Variants in MAP4K5 observed in about 807,000 individuals in gnomAD.
MAP4K5 encodes mitogen-activated protein kinase kinase kinase kinase 5, also known as MAPK/ERK kinase kinase kinase 5.
MAP4K5 carries 82 observed loss-of-function variants against 135.6 expected under a neutral mutation model. The observed-to-expected ratio is 0.60, with a 90% CI of 0.51 to 0.73. The LOEUF is 0.73. MAP4K5 is among the 30% of genes least tolerant of loss of function. MAP4K5 has a pLI of 0.00. For synonymous variants in MAP4K5, 347 were observed against 335.0 expected (o/e 1.04, Z -0.39); for missense variants, 907 against 1,010.9 (o/e 0.90, Z 1.39).
intron 2 of MAP4K5, among the ~76,000 whole-genome samples, chr14:50,515,761 A>T (rs531958980): frequency 1.3e-5 from 2 of 152,124 alleles, no homozygotes; most frequent in African/African-American, 4.8e-5. Context: ...CTCTTTGTTA[A>T]CCCCTCTTCT....
At chr14:50,481,530 T>A (rs916955858) in intron 6 of MAP4K5, among the ~76,000 whole-genome samples, 8 of 152,090 alleles carry the variant, frequency 5.3e-5, no homozygotes, top group African/African-American at 1.7e-4. Context: ...GATAGAAGCA[T>A]TAATTAACAA....
chr14:50,463,545 G>A (rs1044367182), intron 12 of MAP4K5, among the ~76,000 whole-genome samples: 5 of 152,096 alleles, frequency 3.3e-5, no homozygotes, highest in African/African-American at 4.8e-5. Context: ...GGCAGAGGCT[G>A]TATGGCCCAC....
chr14:50,539,903 G>A (rs1024665320), intron 2 of MAP4K5, among the ~76,000 whole-genome samples: 1 of 152,212 alleles, frequency 6.6e-6, no homozygotes. Flanking sequence ...GAATCTCAAG[G>A]TTTAGGGAGA....
intron 2 of MAP4K5, among the ~76,000 whole-genome samples, chr14:50,509,114 G>A (rs945035530): frequency 2.0e-5 from 3 of 151,694 alleles, no homozygotes; most frequent in Non-Finnish European, 2.9e-5. Flanking sequence ...CCATCATTCT[G>A]AGCAAACTAT....
intron 13 of MAP4K5, among the ~76,000 whole-genome samples, chr14:50,457,868 A>C (rs933112427): frequency 6.6e-6 from 1 of 152,200 alleles, no homozygotes; most frequent in Non-Finnish European, 1.5e-5. Flanking sequence ...AATTTCAAGT[A>C]ATTTCTTGCA....
intron 2 of MAP4K5, among the ~76,000 whole-genome samples, chr14:50,514,921 T>C (rs937728687): frequency 3.1e-5 from 4 of 127,210 alleles, no homozygotes; most frequent in Non-Finnish European, 6.7e-5. Context: ...TTTTTTTTTT[T>C]GAGATGGAGT....
intron 5 of MAP4K5, among the ~76,000 whole-genome samples, chr14:50,483,838 A>G (rs2037305544): frequency 3.9e-5 from 1 of 25,938 alleles, no homozygotes; most frequent in Admixed American, 2.7e-4. Context: ...CAGCAATTCC[A>G]TTTATTTATT....
intron 2 of MAP4K5, among the ~76,000 whole-genome samples, chr14:50,526,670 C>T (rs1008147006): frequency 1.3e-5 from 2 of 152,186 alleles, no homozygotes; most frequent in Admixed American, 6.5e-5. Context: ...TCCCCATATC[C>T]TAACACATTG....
At position 50,469,670 on chromosome 14, in the gene MAP4K5, T is replaced by A. The variant is rs1386849923; in HGVS notation, c.543-888A>T. Among the ~76,000 whole-genome samples the A allele has an allele frequency of 2.6e-5, 4 of 152,104 alleles. No individual in the cohort carries two copies. The East Asian group carries it at 7.7e-4, about 29-fold the overall frequency. On this transcript the variant is annotated intron_variant, in intron 9 of 32. Transcript: ENST00000682126. ...TTAAGATATAGATCTGAGGAGGAAATGCTTGTGGATATTGAAATAGAGCTA... is the reference window on the plus strand; with the variant it reads ...TTAAGATATAGATCTGAGGAGGAAAAGCTTGTGGATATTGAAATAGAGCTA...
intron 20 of MAP4K5, 67 bp from the exon 21 acceptor site, chr14:50,442,883 C>T: frequency 2.2e-6 from 2 of 895,712 alleles, no homozygotes; most frequent in South Asian, 3.2e-5. Flanking sequence ...TGGAAAATAA[C>T]TAACATCATT....
chr14:50,458,749 A>G (rs1407645563), intron 13 of MAP4K5, among the ~76,000 whole-genome samples: 1 of 152,120 alleles, frequency 6.6e-6, no homozygotes. Context: ...ATTTACTCCT[A>G]AGGCATCAAC....
chr14:50,465,718 C>T (rs543557441), intron 11 of MAP4K5, among the ~76,000 whole-genome samples: 4 of 152,196 alleles, frequency 2.6e-5, no homozygotes, highest in African/African-American at 9.6e-5. Context: ...CTTTCCTCAC[C>T]ACACTTCTTA....
chr14:50,490,159 G>GTGTGTGTGTGTGTGTATGTA lies in MAP4K5; in HGVS notation c.167-3966_167-3965insTACATACACACACACACACA, dbSNP rs71441284. On this transcript the variant is annotated intron_variant, in intron 3 of 32. Transcript: ENST00000682126. Reference sequence around the variant, plus strand: ...TGTGTGTGTGTGTGTGTGTGTGTGTGTAAGGGAACTCAGCCTGATACTCTT... The same window carrying GTGTGTGTGTGTGTGTATGTA: ...TGTGTGTGTGTGTGTGTGTGTGTGTGTGTGTGTGTGTGTGTATGTATAAGGGAACTCAGCCTGATACTCTT... 2.9e-5 allele frequency among the ~76,000 whole-genome samples: 4 copies of GTGTGTGTGTGTGTGTATGTA among 138,008 alleles called. No individual in the cohort carries two copies. In the East Asian group the frequency reaches 8.8e-4, roughly 30 times the overall value. 90.5% of individuals were successfully genotyped at this position (138,008 alleles called of 152,430 possible). A position where few individuals can be genotyped will look rare whatever the true frequency, so the allele number is the denominator to read the frequency against.
rs369542257 is a variant in MAP4K5, at chr14:50,425,891, A to T, written c.2397+16T>A. On this transcript the variant is annotated intron_variant, in intron 31 of 32. Transcript: ENST00000682126. ...TTGTTAGTGGGAGTCAGTGGAGGTA[A>T]TCTGAGAAGGCTTACCTCATCTGAC... The T allele has an allele frequency of 6.3e-7, 1 of 1,594,122 alleles. No homozygotes were observed.
intron 25 of MAP4K5, 92 bp from the exon 26 acceptor site, chr14:50,437,626 A>G: frequency 1.1e-6 from 1 of 909,010 alleles, no homozygotes; most frequent in Non-Finnish European, 1.7e-6. Context: ...GACAGAAAGG[A>G]GCTTAAAAAA....
intron 11 of MAP4K5, 61 bp from the exon 12 acceptor site, chr14:50,464,194 A>G (rs749218275): frequency 3.3e-5 from 27 of 823,478 alleles, no homozygotes; most frequent in Non-Finnish European, 5.0e-5. Flanking sequence ...GTGTTAGTAA[A>G]TAACATTAAC....
At chr14:50,474,247 G>A (rs941804892) in intron 9 of MAP4K5, among the ~76,000 whole-genome samples, 2 of 151,932 alleles carry the variant, frequency 1.3e-5, no homozygotes, top group African/African-American at 4.8e-5. Flanking sequence ...AAAATTAGCT[G>A]GCTGTGATGT....
intron 9 of MAP4K5, among the ~76,000 whole-genome samples, chr14:50,471,484 T>C (rs758980020): frequency 5.3e-5 from 8 of 152,104 alleles, no homozygotes; most frequent in African/African-American, 1.2e-4. Flanking sequence ...GTAATTCACA[T>C]TGGAGAAAAA....
chr14:50,503,865 A>T (rs1297267687), intron 3 of MAP4K5, among the ~76,000 whole-genome samples: 4 of 152,088 alleles, frequency 2.6e-5, no homozygotes, highest in Non-Finnish European at 4.4e-5. Flanking sequence ...TTTCCAGGAC[A>T]GGCAAAGGCT....
Sources: gnomAD v4.1 joint callset for allele counts (sites outside exome capture counted in the v4.1 genomes callset) on GRCh38, gnomAD v4.1.1 for gene constraint, MANE v1.5 for transcripts, NCBI Gene and HGNC (gene_info 2026-07-23, HGNC 2026-07-21) for gene names.